The following KIF26B variants were observed in gnomAD, a reference collection of about 807,000 sequenced individuals.
The protein encoded by KIF26B is kinesin-like protein KIF26B.
In KIF26B, 63 loss-of-function variants were observed where a neutral mutation model predicts 151.2. The ratio of observed to expected loss-of-function variants is 0.42; its 90% confidence interval spans 0.34 to 0.51. The LOEUF (loss-of-function observed/expected upper bound fraction) is 0.51. KIF26B is among the 20% of genes least tolerant of loss of function. The probability of loss-of-function intolerance (pLI) is 0.07; values close to 1 mark genes in which losing one functional copy is unlikely to be tolerated. For synonymous variants in KIF26B, 1,357 were observed against 1,262.1 expected, an observed-to-expected ratio of 1.08 and a Z score of -1.59; for missense variants, 2,813 against 2,913.6, an observed-to-expected ratio of 0.97 and a Z score of 0.79.
intron 2 of KIF26B, among the ~76,000 whole-genome samples, chr1:245,172,579 G>A (rs1278814694): frequency 6.6e-6 from 1 of 152,194 alleles, no homozygotes; most frequent in Non-Finnish European, 1.5e-5. Flanking sequence ...GGAGGCCGAG[G>A]CGGGCAGATC....
In KIF26B at chr1:245,358,695, T is replaced by A. The variant is rs1393331938; in HGVS notation, c.466-8139T>A. On this transcript the variant is annotated intron_variant, in intron 2 of 14. Transcript: ENST00000407071. This position sits in a 1 kb window ranked among gnomAD's most constrained non-coding sequence, Gnocchi z 4.1. Reference sequence around the variant, plus strand: ...GCAGATTGAAAATAATTCCATTTGCTGCCTGCTGGCACATTAAAGCCTACA... The same window carrying A: ...GCAGATTGAAAATAATTCCATTTGCAGCCTGCTGGCACATTAAAGCCTACA... Among the ~76,000 whole-genome samples, 2 of 152,214 alleles carry A rather than the reference T, an allele frequency of 1.3e-5. No homozygotes were observed. The highest frequency in any genetic ancestry group is 1.9e-4 in the East Asian group (1 of 5,196).
At chr1:245,246,908 GACACAGACAC>G (rs1334131632) in intron 2 of KIF26B, among the ~76,000 whole-genome samples, 8 of 133,524 alleles carry the variant, frequency 6.0e-5, no homozygotes, top group African/African-American at 8.3e-5. Flanking sequence ...CACACACACA[GACACAGACAC>G]ACACAGACAC....
chr1:245,539,709 G>A (rs192158574), intron 4 of KIF26B, among the ~76,000 whole-genome samples: 22 of 152,290 alleles, frequency 1.4e-4, no homozygotes, highest in East Asian at 3.9e-4. Context: ...CTGGAGAGCA[G>A]TGGCGCTATC....
intron 2 of KIF26B, among the ~76,000 whole-genome samples, chr1:245,303,066 C>T (rs939145908): frequency 6.6e-6 from 1 of 150,866 alleles, no homozygotes; most frequent in East Asian, 1.9e-4. Context: ...TAGAATACAC[C>T]GGGAAATCTG....
At chr1:245,621,454 C>G (rs993484771) in intron 9 of KIF26B, among the ~76,000 whole-genome samples, 1 of 152,070 alleles carries the variant, frequency 6.6e-6, no homozygotes, top group South Asian at 2.1e-4. Flanking sequence ...GTGGCTCAGG[C>G]GTAGGAGACG....
At chr1:245,220,066 T>A (rs1669732938) in intron 2 of KIF26B, among the ~76,000 whole-genome samples, 1 of 151,974 alleles carries the variant, frequency 6.6e-6, no homozygotes, top group Non-Finnish European at 1.5e-5. Context: ...TCAGGAGGGG[T>A]CCTTGCTGGG....
chr1:245,692,239 C>T (rs113747705), intron 12 of KIF26B, among the ~76,000 whole-genome samples: 15 of 150,880 alleles, frequency 9.9e-5, no homozygotes, highest in Non-Finnish European at 1.5e-4. Context: ...TGGAGGCAGC[C>T]GGCACAGGGG....
At chr1:245,330,829 G>GA (rs1672094091) in intron 2 of KIF26B, among the ~76,000 whole-genome samples, 1 of 120,706 alleles carries the variant, frequency 8.3e-6, no homozygotes, top group African/African-American at 4.0e-5. Flanking sequence ...GAGTCGGGGA[G>GA]GGAGTGGGGG....
chr1:245,514,151 T>C (rs1235426401), intron 4 of KIF26B, among the ~76,000 whole-genome samples: 1 of 152,236 alleles, frequency 6.6e-6, no homozygotes, highest in Admixed American at 6.5e-5. Flanking sequence ...TAGCTCAGTC[T>C]AGCTATTCCA....
intron 4 of KIF26B, among the ~76,000 whole-genome samples, chr1:245,500,470 A>G (rs1258624307): frequency 2.0e-5 from 3 of 152,258 alleles, no homozygotes; most frequent in African/African-American, 4.8e-5. Context: ...CCATAACTCT[A>G]TATAACCCAA....
At chr1:245,544,921 G>A (rs186310518) in intron 5 of KIF26B, among the ~76,000 whole-genome samples, 29 of 152,290 alleles carry the variant, frequency 1.9e-4, no homozygotes, top group Non-Finnish European at 3.1e-4. Flanking sequence ...GCCACCACCA[G>A]GGAGTCATTT....
chr1:245,697,253 A>G (rs2044707445), intron 12 of KIF26B, among the ~76,000 whole-genome samples: 1 of 152,206 alleles, frequency 6.6e-6, no homozygotes. Context: ...TCAAAACGTC[A>G]GTCCCCTGTA....
intron 2 of KIF26B, among the ~76,000 whole-genome samples, chr1:245,266,177 TAATAA>T (rs1185835269): frequency 1.3e-5 from 2 of 152,282 alleles, no homozygotes; most frequent in East Asian, 3.9e-4. Context: ...TAGGAATAGT[TAATAA>T]ACCTATGAAA....
At chr1:245,438,591 G>A (rs549739624) in intron 4 of KIF26B, among the ~76,000 whole-genome samples, 43 of 152,184 alleles carry the variant, frequency 2.8e-4, no homozygotes, top group African/African-American at 9.2e-4. Flanking sequence ...AGACTTGCCC[G>A]TGAATGTTCA....
intron 3 of KIF26B, among the ~76,000 whole-genome samples, chr1:245,395,902 A>G (rs1335637968): frequency 2.6e-5 from 4 of 152,164 alleles, no homozygotes; most frequent in Non-Finnish European, 5.9e-5. Context: ...CAAACCTCTG[A>G]AAGCCTCGGC....
intron 3 of KIF26B, among the ~76,000 whole-genome samples, chr1:245,394,694 T>G (rs1281829804): frequency 6.8e-6 from 1 of 146,330 alleles, no homozygotes. Context: ...CTTTCTTTTT[T>G]TTTTTTTTTT....
chr1:245,659,974 G>A (rs113643619), intron 10 of KIF26B, among the ~76,000 whole-genome samples: 1,579 of 151,786 alleles, frequency 0.01, 34 homozygotes, highest in African/African-American at 0.032. Context: ...CTTGAACCCC[G>A]GGAGGTGGAG....
chr1:245,307,809 G>C (rs374809707), intron 2 of KIF26B, among the ~76,000 whole-genome samples: 36 of 150,798 alleles, frequency 2.4e-4, no homozygotes, highest in African/African-American at 7.3e-4. Flanking sequence ...GGCGCGATCT[G>C]GGCTCACTGC....
chr1:245,441,879 A>G (rs1279092817), intron 4 of KIF26B, among the ~76,000 whole-genome samples: 1 of 152,200 alleles, frequency 6.6e-6, no homozygotes, highest in Non-Finnish European at 1.5e-5. Context: ...TTATGATAGC[A>G]TCTGCTTCCT....
Sources: allele counts gnomAD v4.1 joint callset (sites outside exome capture counted in the v4.1 genomes callset), GRCh38; gene constraint gnomAD v4.1.1; non-coding constraint Gnocchi (gnomAD v3.1); transcripts MANE v1.5; gene names NCBI Gene and HGNC (gene_info 2026-07-23, HGNC 2026-07-21).